The following TBL1XR1 variants were observed in gnomAD, a reference collection of about 807,000 sequenced individuals.
TBL1XR1 encodes the protein F-box-like/WD repeat-containing protein TBL1XR1.
TBL1XR1 carries 5 observed loss-of-function variants against 66.9 expected under a neutral mutation model. That is an observed-to-expected ratio of 0.07 (90% CI 0.04 to 0.16). The LOEUF is 0.16. TBL1XR1 is among the 10% of genes least tolerant of loss of function. The pLI, the probability that TBL1XR1 is intolerant of heterozygous loss-of-function variation, is 1.00. For missense variants in TBL1XR1, 238 were observed against 623.2 expected (o/e 0.38, Z 6.58); for synonymous variants, 210 against 206.0 (o/e 1.02, Z -0.17).
chr3:177,154,514 A>G (rs1731263313), intron 1 of TBL1XR1, among the ~76,000 whole-genome samples: 1 of 152,012 alleles, frequency 6.6e-6, no homozygotes, highest in Admixed American at 6.6e-5. Context: ...CTCCAGCCTC[A>G]GCTTCCCGAG....
At chr3:177,100,382 C>T (rs1724048399) in intron 1 of TBL1XR1, among the ~76,000 whole-genome samples, 1 of 151,972 alleles carries the variant, frequency 6.6e-6, no homozygotes, top group Admixed American at 6.6e-5. Flanking sequence ...AAAGGTACAA[C>T]TTAATTGTAG....
chr3:177,076,454 T>C (rs1257430385), intron 2 of TBL1XR1, among the ~76,000 whole-genome samples: 2 of 152,216 alleles, frequency 1.3e-5, no homozygotes, highest in Non-Finnish European at 2.9e-5. Flanking sequence ...CCATTTTAAC[T>C]TAAGTATCTC....
intron 14 of TBL1XR1, 50 bp downstream of exon 14, chr3:177,032,921 C>T (rs1454654258): frequency 1.1e-5 from 16 of 1,420,336 alleles, no homozygotes; most frequent in Admixed American, 4.8e-5. Flanking sequence ...TAGGCAAATG[C>T]TTCTACCTAA....
At chr3:177,189,676 A>T (rs1225166761) in intron 1 of TBL1XR1, among the ~76,000 whole-genome samples, 2 of 95,962 alleles carry the variant, frequency 2.1e-5, no homozygotes, top group African/African-American at 3.4e-5. Context: ...GAAGGATGTA[A>T]CACCAAATTA....
At chr3:177,174,589 G>A (rs1733944437) in intron 1 of TBL1XR1, among the ~76,000 whole-genome samples, 1 of 152,028 alleles carries the variant, frequency 6.6e-6, no homozygotes, top group African/African-American at 2.4e-5. Flanking sequence ...AAAAAGAGGA[G>A]CAGTAGCAAG....
chr3:177,130,934 G>C (rs1448621100), intron 1 of TBL1XR1, among the ~76,000 whole-genome samples: 1 of 152,188 alleles, frequency 6.6e-6, no homozygotes, highest in African/African-American at 2.4e-5. Flanking sequence ...CTGAGGTTAA[G>C]AGGATTGTTT....
At chr3:177,187,733 TGAG>T (rs1226687907) in intron 1 of TBL1XR1, among the ~76,000 whole-genome samples, 3 of 150,900 alleles carry the variant, frequency 2.0e-5, no homozygotes, top group African/African-American at 7.4e-5. Flanking sequence ...AAAGACACAA[TGAG>T]AAGAAAAGAG....
At chr3:177,082,778 C>T (rs1326070788) in intron 2 of TBL1XR1, among the ~76,000 whole-genome samples, 3 of 27,676 alleles carry the variant, frequency 1.1e-4, no homozygotes, top group East Asian at 2.6e-3. Context: ...GAATATGAGA[C>T]GGAGTCTTGC....
chr3:177,102,142 T>C (rs1187104055), intron 1 of TBL1XR1, among the ~76,000 whole-genome samples: 1 of 152,222 alleles, frequency 6.6e-6, no homozygotes, highest in African/African-American at 2.4e-5. Context: ...CTCATAGATG[T>C]ATCTAATCTC....
chr3:177,153,835 C>T (rs1731181288), intron 1 of TBL1XR1, among the ~76,000 whole-genome samples: 1 of 149,060 alleles, frequency 6.7e-6, no homozygotes. Flanking sequence ...CAAGATCGCG[C>T]CACTGCACTC....
At chr3:177,174,699 A>G (rs1733956176) in intron 1 of TBL1XR1, among the ~76,000 whole-genome samples, 1 of 152,158 alleles carries the variant, frequency 6.6e-6, no homozygotes. Context: ...ACTAGTTTGC[A>G]ATACTCCAAG....
At chr3:177,075,364 C>T (rs1254395000) in intron 2 of TBL1XR1, among the ~76,000 whole-genome samples, 1 of 152,210 alleles carries the variant, frequency 6.6e-6, no homozygotes, top group Non-Finnish European at 1.5e-5. Flanking sequence ...TGGAATAGGG[C>T]CCATGCCAAT....
intron 1 of TBL1XR1, among the ~76,000 whole-genome samples, chr3:177,147,953 G>A (rs1262458910): frequency 1.3e-5 from 2 of 152,168 alleles, no homozygotes; most frequent in African/African-American, 2.4e-5. Context: ...TTTCACAGGG[G>A]ACACAGAGCT....
At chr3:177,061,604 C>T (rs189984372) in intron 3 of TBL1XR1, among the ~76,000 whole-genome samples, 1 of 152,286 alleles carries the variant, frequency 6.6e-6, no homozygotes, top group East Asian at 1.9e-4. Context: ...TCCTTTGCCA[C>T]GATGTTCCTT....
At chr3:177,194,919 T>C (rs144252205) in intron 1 of TBL1XR1, among the ~76,000 whole-genome samples, 348 of 152,048 alleles carry the variant, frequency 2.3e-3, no homozygotes, top group Middle Eastern at 0.014. Flanking sequence ...ACCACCAGTG[T>C]CTCCCACATT....
intron 2 of TBL1XR1, among the ~76,000 whole-genome samples, chr3:177,066,801 GT>G (rs1424234556): frequency 1.3e-5 from 2 of 152,106 alleles, no homozygotes; most frequent in Non-Finnish European, 2.9e-5. Flanking sequence ...AGAATCAAAG[GT>G]TTCTCTCTGG....
At chr3:177,125,272 A>G (rs1178729526) in intron 1 of TBL1XR1, among the ~76,000 whole-genome samples, 1 of 152,192 alleles carries the variant, frequency 6.6e-6, no homozygotes, top group Admixed American at 6.5e-5. Flanking sequence ...AGAGTAAAAT[A>G]CAAACGGCCA....
chr3:177,122,420 G>A (rs564615275), intron 1 of TBL1XR1, among the ~76,000 whole-genome samples: 48 of 152,186 alleles, frequency 3.2e-4, no homozygotes, highest in African/African-American at 1.1e-3. Flanking sequence ...AGTTCAGCAT[G>A]TACCCTGAAA....
At chr3:177,035,170 C>T (rs1413591878) in intron 12 of TBL1XR1, among the ~76,000 whole-genome samples, 1 of 152,116 alleles carries the variant, frequency 6.6e-6, no homozygotes, top group African/African-American at 2.4e-5. Context: ...GTTTTCAGAA[C>T]TGATTTCATT....
Sources: allele counts gnomAD v4.1 joint callset (sites outside exome capture counted in the v4.1 genomes callset), GRCh38; gene constraint gnomAD v4.1.1; transcripts MANE v1.5; gene names NCBI Gene and HGNC (gene_info 2026-07-23, HGNC 2026-07-21).